The following FAM222B variants were observed in gnomAD, a reference collection of about 807,000 sequenced individuals.
FAM222B encodes the protein family with sequence similarity 222 member B, also known as protein FAM222B.
In FAM222B, 12 loss-of-function variants were observed where a neutral mutation model predicts 38.0. The ratio of observed to expected loss-of-function variants is 0.32; its 90% CI spans 0.20 to 0.51. FAM222B has a LOEUF of 0.51. FAM222B is among the 20% of genes least tolerant of loss of function. The probability of loss-of-function intolerance (pLI) is 0.97; values close to 1 mark genes in which losing one functional copy is unlikely to be tolerated. For synonymous variants in FAM222B, 329 were observed against 317.2 expected (o/e 1.04, Z -0.40); for missense variants, 716 against 754.2 (o/e 0.95, Z 0.59).
At chr17:28,850,434 T>G (rs1459200946) in intron 1 of FAM222B, among the ~76,000 whole-genome samples, 3 of 152,004 alleles carry the variant, frequency 2.0e-5, no homozygotes, top group Admixed American at 2.0e-4. Flanking sequence ...CCCAAGTAGC[T>G]GGGACTACAA....
At chr17:28,804,835 T>G (rs886741371) in intron 1 of FAM222B, among the ~76,000 whole-genome samples, 2 of 145,960 alleles carry the variant, frequency 1.4e-5, no homozygotes, top group Non-Finnish European at 1.5e-5. Context: ...AAGGTCAGGA[T>G]ATCGAGACCA....
At chr17:28,761,608 C>A (rs7215310) in intron 2 of FAM222B, among the ~76,000 whole-genome samples, 28,797 of 152,058 alleles carry the variant, frequency 0.19, 2,867 homozygotes, top group South Asian at 0.31. Flanking sequence ...GGGTACAGCT[C>A]TCTTTGTTTG....
At chr17:28,761,531 T>C (rs748067501) in intron 2 of FAM222B, among the ~76,000 whole-genome samples, 24 of 152,192 alleles carry the variant, frequency 1.6e-4, no homozygotes, top group Non-Finnish European at 2.8e-4. Flanking sequence ...GGAGACTCTA[T>C]TCAAAGTCAC....
Position 28,759,331 on chromosome 17 carries a change from G to T in FAM222B, c.628C>A (p.His210Asn). ...CCCTGGTGAGCCAGGGCCTGAGGGT[G>T]GACCAAGCCCTGGGTTTGGGCCATG... ...QPMAQTQGLVHPQALAHQGLQ... is the reference protein window; with the variant it reads ...QPMAQTQGLVNPQALAHQGLQ... The change falls in exon 3 of 3, where the codon CAC becomes AAC. Residue 210 changes from histidine to asparagine, a missense_variant. By Grantham distance (68) the His-to-Asn change is moderately conservative. Transcript: ENST00000581407. The surrounding 1 kb of genome is among the most constrained non-coding windows in gnomAD (Gnocchi z 4.8). 6.2e-7 allele frequency: 1 copy of T among 1,610,758 alleles called. No homozygotes were observed. Among genetic ancestry groups the T allele is most frequent in the African/African-American group, 1.3e-5 (1 of 75,014 alleles).
chr17:28,828,095 ATTTTTTTTTTTTTTT>A (rs528492764), intron 1 of FAM222B, among the ~76,000 whole-genome samples: 20 of 74,694 alleles, frequency 2.7e-4, no homozygotes, highest in South Asian at 5.6e-4. Context: ...ATCAAATCCA[ATTTTTTTTTTTTTTT>A]TTTTTTTTTT....
At chr17:28,836,455 T>C (rs1567904466) in intron 1 of FAM222B, among the ~76,000 whole-genome samples, 1 of 151,960 alleles carries the variant, frequency 6.6e-6, no homozygotes, top group Non-Finnish European at 1.5e-5. Flanking sequence ...ACCCCTCAGA[T>C]GCTGAGTTAA....
At chr17:28,852,020 C>T (rs1055466006) in intron 1 of FAM222B, among the ~76,000 whole-genome samples, 6 of 151,842 alleles carry the variant, frequency 4.0e-5, no homozygotes, top group Non-Finnish European at 8.8e-5. Context: ...CCACTACACT[C>T]CAGCTCAGAC....
chr17:28,759,069 G>C lies in FAM222B; in HGVS notation c.890C>G (p.Pro297Arg), dbSNP rs765389691. 6.2e-7 allele frequency: 1 copy of C among 1,612,400 alleles called. No individual in the cohort carries two copies. Among genetic ancestry groups the C allele is most frequent in the South Asian group, 1.1e-5 (1 of 90,756 alleles). Residue 297 changes from proline to arginine, a missense_variant, in exon 3 of 3, where the codon CCC becomes CGC. By Grantham distance (103) the Pro-to-Arg change is moderately radical (BLOSUM62 -2). Coordinates refer to ENST00000581407, the MANE Select transcript of FAM222B (RefSeq NM_001077498.3). This position sits in a 1 kb window ranked among gnomAD's most constrained non-coding sequence, Gnocchi z 4.8. ...VCEGQIANPS[P>R]ISRSLLINAS... ...ATTGATGAGCAGACTGCGACTAATG[G>C]GGCTGGGGTTGGCGATCTGGCCCTC...
chr17:28,805,445 G>C (rs2037442445), intron 1 of FAM222B, among the ~76,000 whole-genome samples: 1 of 152,128 alleles, frequency 6.6e-6, no homozygotes, highest in African/African-American at 2.4e-5. Flanking sequence ...TGAGGCACAA[G>C]AATCACTTGA....
chr17:28,775,763 C>T (rs2035858702), intron 1 of FAM222B, among the ~76,000 whole-genome samples: 1 of 151,632 alleles, frequency 6.6e-6, no homozygotes, highest in African/African-American at 2.4e-5. Flanking sequence ...AGACTATAGT[C>T]CCAGCTACTC....
At chr17:28,837,657 T>G (rs920830812) in intron 1 of FAM222B, among the ~76,000 whole-genome samples, 6 of 151,556 alleles carry the variant, frequency 4.0e-5, no homozygotes, top group Admixed American at 6.6e-5. Flanking sequence ...TTTTTTTTTT[T>G]TTGTTTTTTG....
At chr17:28,831,867 G>T (rs1046170010) in intron 1 of FAM222B, among the ~76,000 whole-genome samples, 3 of 152,024 alleles carry the variant, frequency 2.0e-5, no homozygotes, top group African/African-American at 4.8e-5. Context: ...TTTAAGTAGG[G>T]GTTAGCTTCC....
In FAM222B at chr17:28,759,004, T is replaced by C. The variant is rs779007369; in HGVS notation, c.955A>G (p.Met319Val). The stretch of plus-strand genomic sequence containing the variant: ...ATGGGATTGACCACACATGAAGGCA[T>C]TGGTGTGGGGACGCTGTGGGTCGAC... Reference protein sequence around the residue: ...RVSTHSVPTPMPSCVVNPMEH... With the variant: ...RVSTHSVPTPVPSCVVNPMEH... Residue 319 changes from methionine (M) to valine (V), a missense_variant, in exon 3 of 3, where the codon ATG (methionine) becomes GTG (valine). Physicochemically the swap from Met to Val is conservative, Grantham distance 21. Coordinates refer to ENST00000581407, the MANE Select transcript of FAM222B (RefSeq NM_001077498.3). The surrounding 1 kb of genome is among the most constrained non-coding windows in gnomAD (Gnocchi z 4.8). 3.1e-6 allele frequency: 5 copies of C among 1,612,962 alleles called. No homozygotes were observed. The highest frequency in any genetic ancestry group is 2.2e-5 in the East Asian group (1 of 44,846).
chr17:28,799,179 T>A (rs1157736887), intron 1 of FAM222B, among the ~76,000 whole-genome samples: 3 of 150,996 alleles, frequency 2.0e-5, no homozygotes, highest in Non-Finnish European at 4.4e-5. Context: ...TTCACCATGT[T>A]GACCAGGATA....
At chr17:28,838,009 T>C (rs1367559102) in intron 1 of FAM222B, among the ~76,000 whole-genome samples, 1 of 152,014 alleles carries the variant, frequency 6.6e-6, no homozygotes, top group East Asian at 1.9e-4. Flanking sequence ...CTGACGCCTG[T>C]AATCCCAGCA....
intron 1 of FAM222B, among the ~76,000 whole-genome samples, chr17:28,776,089 GA>G (rs766264796): frequency 9.1e-5 from 10 of 109,450 alleles, no homozygotes; most frequent in Non-Finnish European, 1.2e-4. Flanking sequence ...AAAAAAAAAA[GA>G]AAAAAAAAAG....
chr17:28,853,022 C>T (rs763926947), intron 1 of FAM222B, among the ~76,000 whole-genome samples: 2 of 151,968 alleles, frequency 1.3e-5, no homozygotes, highest in East Asian at 1.9e-4. Flanking sequence ...GGAGAAACCC[C>T]GTCTCTACTG....
At chr17:28,845,095 C>G, upstream of FAM222B, among the ~76,000 whole-genome samples, 1 of 151,088 alleles carries the variant, frequency 6.6e-6, no homozygotes, top group Non-Finnish European at 1.5e-5. Flanking sequence ...GAGTGAGACT[C>G]CATCTCAATT....
chr17:28,837,635 T>C (rs1252657183), intron 1 of FAM222B, among the ~76,000 whole-genome samples: 1 of 151,566 alleles, frequency 6.6e-6, no homozygotes, highest in African/African-American at 2.4e-5. Flanking sequence ...AGATATTAAA[T>C]ACTTCTTTTT....
Sources: gnomAD v4.1 joint callset for allele counts (sites outside exome capture counted in the v4.1 genomes callset) on GRCh38, gnomAD v4.1.1 for gene constraint, Gnocchi (gnomAD v3.1) non-coding constraint, MANE v1.5 for transcripts, NCBI Gene and HGNC (gene_info 2026-07-23, HGNC 2026-07-21) for gene names.